Variants in CARMIL1 observed in about 807,000 individuals in gnomAD.
The protein encoded by CARMIL1 is capping protein regulator and myosin 1 linker 1.
In CARMIL1, 90 loss-of-function variants were observed where a neutral mutation model predicts 177.1. The observed-to-expected ratio is 0.51, with a 90% CI of 0.43 to 0.61. The LOEUF (loss-of-function observed/expected upper bound fraction) is 0.61. Among genes scored for constraint, CARMIL1 ranks in the 20% least tolerant of loss-of-function variants. The pLI is 0.00. For synonymous variants in CARMIL1, 577 were observed against 606.2 expected, an observed-to-expected ratio of 0.95 and a Z score of 0.71; for missense variants, 1,380 against 1,667.0, an observed-to-expected ratio of 0.83 and a Z score of 3.00.
intron 2 of CARMIL1, among the ~76,000 whole-genome samples, chr6:25,322,248 G>C (rs1174197633): frequency 6.6e-6 from 1 of 152,080 alleles, no homozygotes; most frequent in Non-Finnish European, 1.5e-5. Context: ...TCAGCGTTCT[G>C]ATTAGCTGGG....
intron 11 of CARMIL1, among the ~76,000 whole-genome samples, chr6:25,473,511 T>C (rs1801260065): frequency 6.6e-6 from 1 of 152,224 alleles, no homozygotes; most frequent in Admixed American, 6.5e-5. Flanking sequence ...TAAGAAAATA[T>C]ATTTCCTGTT....
intron 7 of CARMIL1, 70 bp downstream of exon 7, chr6:25,450,479 T>G: frequency 1.4e-6 from 2 of 1,385,650 alleles, no homozygotes; most frequent in East Asian, 2.3e-5. Flanking sequence ...TTGGCTGGCT[T>G]GTTTTTCTTT....
Position 25,330,384 on chromosome 6 carries a change from T to C in CARMIL1, c.138+45475T>C, listed in dbSNP as rs924143391. 2.0e-5 allele frequency among the ~76,000 whole-genome samples: 3 copies of C among 152,112 alleles called. No homozygotes were observed. In the South Asian group the frequency reaches 6.2e-4, roughly 32 times the overall value. On this transcript the variant is annotated intron_variant, in intron 2 of 36. Coordinates refer to ENST00000329474, the MANE Select transcript of CARMIL1 (RefSeq NM_017640.6). ...AGATGATGCAGGAAGGGCTAAGATA[T>C]GGAAGGCTTTGATGAAGATTTTGGG...
In CARMIL1 at chr6:25,566,675, A is replaced by C. The variant is rs190855493; in HGVS notation, c.2742+9825A>C. Among the ~76,000 whole-genome samples the C allele has an allele frequency of 2.0e-4, 31 of 152,330 alleles. No individual in the cohort carries two copies. The East Asian group carries it at 4.4e-3, about 22-fold the overall frequency. On this transcript the variant is annotated intron_variant, in intron 29 of 36. Transcript: ENST00000329474. ...TTTGTGCTGTTGACCACATATCCCC[A>C]GTATCTAGAGCAGTGCCTGGCACAA...
chr6:25,619,667 G>A lies in CARMIL1; in HGVS notation c.*84G>A. ...CCAAGGGCAACATCTTTTCTTCCCAGGCGTTCTTCTCTGGGTGCTTTATTC... is the reference window on the plus strand; with the variant it reads ...CCAAGGGCAACATCTTTTCTTCCCAAGCGTTCTTCTCTGGGTGCTTTATTC... On this transcript the variant is annotated 3_prime_UTR_variant, in exon 37 of 37. Transcript: ENST00000329474. The A allele has an allele frequency of 7.1e-7, 1 of 1,402,048 alleles. No individual in the cohort carries two copies. The highest frequency in any genetic ancestry group is 1.5e-5 in the African/African-American group (1 of 67,108). The allele number at this position is 1,402,048 out of a possible 1,614,324, so 86.9% of individuals were successfully genotyped here.
chr6:25,370,948 G>A (rs1232178262), intron 2 of CARMIL1, among the ~76,000 whole-genome samples: 1 of 150,514 alleles, frequency 6.6e-6, no homozygotes, highest in Non-Finnish European at 1.5e-5. Context: ...ACCAAAGTTC[G>A]CTAAATGACT....
chr6:25,496,232 C>A (rs756607653), intron 16 of CARMIL1, among the ~76,000 whole-genome samples: 3 of 152,128 alleles, frequency 2.0e-5, no homozygotes, highest in African/African-American at 4.8e-5. Flanking sequence ...AATCTCAGCA[C>A]TCTGGGAGGC....
intron 2 of CARMIL1, among the ~76,000 whole-genome samples, chr6:25,413,600 G>A (rs1995675): frequency 0.058 from 8,878 of 152,260 alleles, 342 homozygotes; most frequent in South Asian, 0.12. Context: ...GAAGTTAAAA[G>A]TTGAACCAAG....
chr6:25,601,559 A>T (rs1415925649), intron 33 of CARMIL1, among the ~76,000 whole-genome samples: 1 of 152,232 alleles, frequency 6.6e-6, no homozygotes, highest in Non-Finnish European at 1.5e-5. Context: ...CCTAAAAATT[A>T]TTCTCTTTTT....
intron 30 of CARMIL1, 86 bp from the exon 31 acceptor site, chr6:25,581,157 A>G (rs772984623): frequency 7.2e-6 from 10 of 1,391,088 alleles, no homozygotes; most frequent in Non-Finnish European, 9.8e-6. Context: ...CTAGACTTAA[A>G]ATTACTTTTA....
At chr6:25,371,785 G>A (rs2150437417) in intron 2 of CARMIL1, among the ~76,000 whole-genome samples, 1 of 152,036 alleles carries the variant, frequency 6.6e-6, no homozygotes, top group African/African-American at 2.4e-5. Context: ...ATTTATTTTT[G>A]TTTTTCTTGC....
intron 2 of CARMIL1, among the ~76,000 whole-genome samples, chr6:25,295,744 A>G (rs1782327354): frequency 6.6e-6 from 1 of 152,196 alleles, no homozygotes; most frequent in African/African-American, 2.4e-5. Context: ...GTCTTCTACT[A>G]CAGTATGTTT....
At chr6:25,471,331 GT>G (rs144894905) in intron 10 of CARMIL1, 74 bp downstream of exon 10, 34,330 of 726,110 alleles carry the variant, frequency 0.047, 22 homozygotes, top group South Asian at 0.057. Flanking sequence ...TTAATTCATA[GT>G]TTTTTTTTTT....
chr6:25,442,840 C>T (rs1232489715), intron 5 of CARMIL1, among the ~76,000 whole-genome samples: 1 of 152,180 alleles, frequency 6.6e-6, no homozygotes, highest in Non-Finnish European at 1.5e-5. Flanking sequence ...GCCTCCTTTA[C>T]TCTCTGATTG....
chr6:25,421,489 A>G (rs1425531636), intron 3 of CARMIL1, among the ~76,000 whole-genome samples: 2 of 152,216 alleles, frequency 1.3e-5, no homozygotes, highest in Non-Finnish European at 2.9e-5. Context: ...ATCTAGAACT[A>G]GAAATACCAT....
At chr6:25,582,982 G>A (rs1014755846) in intron 31 of CARMIL1, among the ~76,000 whole-genome samples, 4 of 152,094 alleles carry the variant, frequency 2.6e-5, no homozygotes, top group Admixed American at 6.5e-5. Context: ...AAAATATGGC[G>A]CCTTGGCATT....
chr6:25,283,231 G>A (rs945488861), intron 1 of CARMIL1, among the ~76,000 whole-genome samples: 1 of 152,162 alleles, frequency 6.6e-6, no homozygotes, highest in Non-Finnish European at 1.5e-5. Flanking sequence ...TGAGTTTTGG[G>A]TTTATTCAAA....
chr6:25,537,844 G>A lies in CARMIL1; in HGVS notation c.2068-11G>A, dbSNP rs1335889998. ...TGACTTGGATGCTTGCCTTTTTCTG[G>A]TTTGGAGCAGATGATTGACAGAATA... On this transcript the variant is annotated splice_polypyrimidine_tract_variant and intron_variant, in intron 24 of 36. Transcript: ENST00000329474. The A allele has an allele frequency of 2.5e-6, 4 of 1,610,136 alleles. No individual in the cohort carries two copies. The Admixed American group carries it at 6.7e-5, about 27-fold the overall frequency.
chr6:25,355,141 C>T (rs1788466059), intron 2 of CARMIL1, among the ~76,000 whole-genome samples: 1 of 152,128 alleles, frequency 6.6e-6, no homozygotes, highest in Non-Finnish European at 1.5e-5. Flanking sequence ...ACCCCCAAGC[C>T]CTTTGGTTTC....
Sources: allele counts gnomAD v4.1 joint callset (sites outside exome capture counted in the v4.1 genomes callset), GRCh38; gene constraint gnomAD v4.1.1; transcripts MANE v1.5; gene names NCBI Gene and HGNC (gene_info 2026-07-23, HGNC 2026-07-21).